MDN1: variants seen among roughly 807,000 people sequenced by gnomAD.
MDN1 encodes the protein midasin AAA ATPase 1, also known as midasin.
Under a neutral mutation model 669.2 loss-of-function variants are expected in MDN1, and 266 were observed. The ratio of observed to expected loss-of-function variants is 0.40; its 90% CI spans 0.36 to 0.44. MDN1 has a LOEUF of 0.44. MDN1 is among the 20% of genes least tolerant of loss of function. MDN1 has a pLI of 1.00. For missense variants in MDN1, 5,940 were observed against 6,754.0 expected (o/e 0.88, Z 4.22); for synonymous variants, 2,385 against 2,457.1 (o/e 0.97, Z 0.87).
intron 67 of MDN1, 29 bp from the exon 68 acceptor site, chr6:89,687,467 A>G: frequency 6.3e-7 from 1 of 1,592,666 alleles, no homozygotes; most frequent in South Asian, 1.1e-5. Context: ...AATTTACTAC[A>G]GATATTATTC....
intron 15 of MDN1, among the ~76,000 whole-genome samples, chr6:89,767,995 T>C (rs1817885797): frequency 6.6e-6 from 1 of 151,968 alleles, no homozygotes; most frequent in Non-Finnish European, 1.5e-5. Flanking sequence ...TAAGCCCTGA[T>C]GGTGCCACTG....
At chr6:89,768,894 A>G (rs1817944013) in intron 15 of MDN1, among the ~76,000 whole-genome samples, 1 of 152,200 alleles carries the variant, frequency 6.6e-6, no homozygotes, top group Non-Finnish European at 1.5e-5. Flanking sequence ...CATCTCTACT[A>G]AAAATAAATC....
At chr6:89,698,115 C>A (rs144483740) in intron 59 of MDN1, among the ~76,000 whole-genome samples, 1 of 152,194 alleles carries the variant, frequency 6.6e-6, no homozygotes, top group South Asian at 2.1e-4. Context: ...TCACTGTGGT[C>A]ATCTAAGACT....
chr6:89,817,649 T>C (rs1459751786), intron 1 of MDN1, among the ~76,000 whole-genome samples: 1 of 152,176 alleles, frequency 6.6e-6, no homozygotes, highest in Non-Finnish European at 1.5e-5. Flanking sequence ...CAGCAAGGAA[T>C]GGCCCAGACA....
At chr6:89,656,610 CTT>C (rs35227833) in intron 91 of MDN1, 88 bp downstream of exon 91, 26,083 of 723,742 alleles carry the variant, frequency 0.036, no homozygotes, top group South Asian at 0.054. Flanking sequence ...AGGAGTATAG[CTT>C]TTTTTTTTTT....
rs35047740 is a variant in MDN1 at position 89,796,279 on chromosome 6, G to A, written c.330-1478C>T. Among the ~76,000 whole-genome samples, 511 of 123,132 alleles carry A rather than the reference G, an allele frequency of 4.2e-3. 3 individuals are homozygous for A. Among genetic ancestry groups the A allele is most frequent in the Middle Eastern group, 0.025 (4 of 158 alleles). 80.8% of individuals were successfully genotyped at this position (123,132 alleles called of 152,430 possible). On this transcript the variant is annotated intron_variant, in intron 2 of 101. Coordinates refer to ENST00000369393, the MANE Select transcript of MDN1 (RefSeq NM_014611.3). ...ACGGAGGTTATAGTGAGCCAAGATC[G>A]CGCCATTGCACTCCAGCCTGGGCGA...
In MDN1 at chr6:89,688,171, G is replaced by C; in HGVS notation, c.11262C>G (p.Leu3754=). 2 of 1,613,542 alleles carry C rather than the reference G, an allele frequency of 1.2e-6. No homozygotes were observed. Among genetic ancestry groups the C allele is most frequent in the Non-Finnish European group, 1.7e-6 (2 of 1,179,614 alleles). ...DWPEHPALEQ[L]LVVMDRIRSF... is the part of the protein sequence containing the mutation. Reference sequence around the variant, plus strand: ...TACGAATTCTGTCCATTACAACCAGGAGCTGCAGAAATAAAGATTTGGGTA... The same window carrying C: ...TACGAATTCTGTCCATTACAACCAGCAGCTGCAGAAATAAAGATTTGGGTA... Residue 3754 remains leucine, a splice_region_variant and synonymous_variant, in exon 67 of 102, where the codon CTC becomes CTG. Coordinates refer to ENST00000369393, the MANE Select transcript of MDN1 (RefSeq NM_014611.3).
chr6:89,786,641 G>C (rs965454399), intron 8 of MDN1, among the ~76,000 whole-genome samples: 2 of 151,726 alleles, frequency 1.3e-5, no homozygotes, highest in Non-Finnish European at 2.9e-5. Context: ...AAAAGTAACA[G>C]GATTGGGCCG....
intron 22 of MDN1, among the ~76,000 whole-genome samples, chr6:89,751,932 C>T (rs1816976656): frequency 2.0e-5 from 3 of 152,012 alleles, no homozygotes; most frequent in Admixed American, 2.0e-4. Flanking sequence ...CGAAAAAGGG[C>T]CAGTGTTGTA....
chr6:89,646,377 G>A (rs772213714), intron 100 of MDN1, among the ~76,000 whole-genome samples, 163 bp downstream of exon 100: 1 of 152,170 alleles, frequency 6.6e-6, no homozygotes, highest in Non-Finnish European at 1.5e-5. Context: ...ATTTCTGAAT[G>A]AATGAATAAA....
In MDN1 at chr6:89,715,773, CAG is replaced by C; in HGVS notation, c.6744-6_6744-5del. 6.3e-7 allele frequency: 1 copy of C among 1,587,864 alleles called. No individual in the cohort carries two copies. Among genetic ancestry groups the C allele is most frequent in the Non-Finnish European group, 8.6e-7 (1 of 1,156,220 alleles). ...CAAACGATCCAACACTGATGGGCTG[CAG>C]AGACAGAATTCAGATGGTGGATAGG... is the stretch of plus-strand genomic sequence containing the variant. On this transcript the variant is annotated splice_region_variant and splice_polypyrimidine_tract_variant and intron_variant, in intron 44 of 101. Transcript: ENST00000369393.
Position 89,698,877 on chromosome 6 carries a change from G to A in MDN1, c.9156C>T (p.Asp3052=), listed in dbSNP as rs1812952499. The A allele has an allele frequency of 6.2e-7, 1 of 1,614,008 alleles. No individual in the cohort carries two copies. Among genetic ancestry groups the A allele is most frequent in the Non-Finnish European group, 8.5e-7 (1 of 1,179,980 alleles). The stretch of plus-strand genomic sequence containing the variant: ...TAGACCAACAAACCTTCAATGTGGA[G>A]TCCAAAACAGACTTGGGTGCCTCCC... ...QQREAPKSVL[D]STLKGPGNLN... is the part of the protein sequence containing the mutation. Residue 3052 remains aspartate, a synonymous_variant, in exon 59 of 102, where the codon GAC becomes GAT. Coordinates refer to ENST00000369393, the MANE Select transcript of MDN1 (RefSeq NM_014611.3).
At chr6:89,705,129 C>G (rs1813426855) in intron 53 of MDN1, among the ~76,000 whole-genome samples, 2 of 152,186 alleles carry the variant, frequency 1.3e-5, no homozygotes, top group South Asian at 4.1e-4. Context: ...GCCAGACATA[C>G]AGAGACTTGC....
intron 51 of MDN1, 142 bp downstream of exon 51, chr6:89,708,353 TA>T: frequency 9.8e-7 from 1 of 1,016,490 alleles, no homozygotes; most frequent in Non-Finnish European, 1.4e-6. Context: ...TATCGTATGA[TA>T]AAGGCAATCA....
rs1294345163 is a variant in MDN1 at position 89,774,720 on chromosome 6, C to G, written c.1835G>C (p.Cys612Ser). Residue 612 changes from cysteine (C) to serine (S), a missense_variant, in exon 13 of 102, where the codon TGT becomes TCT. By Grantham distance (112) the Cys-to-Ser change is moderately radical. This residue lies in a region of MDN1 where 1,203 missense variants were observed against 1,268.9 expected (regional missense o/e 0.95). Transcript: ENST00000369393. ...CACAATTTCTGGTTTATAAAGTTGA[C>G]AAAAGAATTCAGCCTGTAGGAGGTA... ...NISRKKAEFF[C>S]QLYKPEIVIN... 6.2e-7 allele frequency: 1 copy of G among 1,612,074 alleles called. No homozygotes were observed. The highest frequency in any genetic ancestry group is 8.5e-7 in the Non-Finnish European group (1 of 1,178,442).
At chr6:89,747,565 C>T in intron 26 of MDN1, 95 bp from the exon 27 acceptor site, 1 of 1,291,006 alleles carries the variant, frequency 7.7e-7, no homozygotes, top group East Asian at 2.5e-5. Flanking sequence ...CAAATTTATG[C>T]TCCCATTTAA....
At chr6:89,713,022 T>C (rs995015814) in intron 47 of MDN1, 126 bp downstream of exon 47, 1 of 1,058,920 alleles carries the variant, frequency 9.4e-7, no homozygotes, top group African/African-American at 1.6e-5. Context: ...ACCAGATCTC[T>C]ATTAGAGCAA....
At chr6:89,745,925 G>T (rs192380409) in intron 27 of MDN1, among the ~76,000 whole-genome samples, 22 of 152,170 alleles carry the variant, frequency 1.4e-4, no homozygotes, top group Non-Finnish European at 3.1e-4. Flanking sequence ...CCATAACCAA[G>T]AGAATGGATA....
chr6:89,751,687 G>T, intron 22 of MDN1, 105 bp from the exon 23 acceptor site: 1 of 1,181,278 alleles, frequency 8.5e-7, no homozygotes, highest in African/African-American at 1.5e-5. Context: ...GTCTTGTTCT[G>T]CATACTTTCA....
Sources: allele counts gnomAD v4.1 joint callset (sites outside exome capture counted in the v4.1 genomes callset), GRCh38; gene constraint gnomAD v4.1.1; regional missense constraint gnomAD v4.1.1; transcripts MANE v1.5; gene names NCBI Gene and HGNC (gene_info 2026-07-23, HGNC 2026-07-21).